Variants in RNF144B observed in about 807,000 individuals in gnomAD.
RNF144B encodes E3 ubiquitin-protein ligase RNF144B.
A neutral mutation model predicts 40.2 loss-of-function variants in RNF144B; 25 were observed. The ratio of observed to expected loss-of-function variants is 0.62; its 90% CI spans 0.45 to 0.87. The LOEUF is 0.87. Among genes scored for constraint, RNF144B ranks in the 40% least tolerant of loss-of-function variants. The probability of loss-of-function intolerance (pLI) is 0.00; values close to 1 mark genes in which losing one functional copy is unlikely to be tolerated. For synonymous variants in RNF144B, 145 were observed against 136.3 expected (o/e 1.06, Z -0.44); for missense variants, 365 against 373.7 (o/e 0.98, Z 0.19).
In RNF144B at chr6:18,457,368, G is replaced by A; in HGVS notation, c.536+9G>A. On this transcript the variant is annotated intron_variant, in intron 5 of 7. Transcript: ENST00000259939. The surrounding 1 kb of genome is among the most constrained non-coding windows in gnomAD (Gnocchi z 5.1). ...CTGCCAACAGAGCACCGGTAAGAAAGGAAACTTTGTCTTTGGGATTATTCA... is the reference window on the plus strand; with the variant it reads ...CTGCCAACAGAGCACCGGTAAGAAAAGAAACTTTGTCTTTGGGATTATTCA... The A allele has an allele frequency of 6.2e-7, 1 of 1,606,292 alleles. No homozygotes were observed. Among genetic ancestry groups the A allele is most frequent in the East Asian group, 2.2e-5 (1 of 44,852 alleles).
chr6:18,430,891 A>G (rs552386984), intron 3 of RNF144B, among the ~76,000 whole-genome samples: 1 of 152,172 alleles, frequency 6.6e-6, no homozygotes, highest in Non-Finnish European at 1.5e-5. Flanking sequence ...CAGTTTTACT[A>G]TAAAAGCATT....
Position 18,459,712 on chromosome 6 carries a change from C to T in RNF144B, c.642C>T (p.Cys214=). ...GCGCTCAGATGATGTGCAAAAACTG[C>T]AAGCATACATTTTGCTGGTACTGCC... The part of the protein sequence containing the change: ...EGCAQMMCKN[C]KHTFCWYCLQ... Residue 214 remains cysteine (C), a synonymous_variant, in exon 6 of 8, where the codon TGC becomes TGT. Transcript: ENST00000259939. This position sits in a 1 kb window ranked among gnomAD's most constrained non-coding sequence, Gnocchi z 4.2. 3 of 1,614,116 alleles carry T rather than the reference C, an allele frequency of 1.9e-6. No homozygotes were observed. The highest frequency in any genetic ancestry group is 2.5e-6 in the Non-Finnish European group (3 of 1,179,966).
At chr6:18,397,147 G>A (rs1245829872) in intron 1 of RNF144B, among the ~76,000 whole-genome samples, 1 of 152,130 alleles carries the variant, frequency 6.6e-6, no homozygotes, top group East Asian at 1.9e-4. Flanking sequence ...TTGACTTTCT[G>A]GTATGACATT....
rs914890956 is a variant in RNF144B, at chr6:18,398,735, T to G, written c.-36-764T>G. ...GGACACTTGGGTTGCCTCCACTGTT[T>G]GGCTATTGTGAATAATGTTGCTATG... On this transcript the variant is annotated intron_variant, in intron 1 of 7. Transcript: ENST00000259939. This position sits in a 1 kb window ranked among gnomAD's most constrained non-coding sequence, Gnocchi z 5.0. 3.3e-5 allele frequency among the ~76,000 whole-genome samples: 5 copies of G among 152,310 alleles called. No homozygotes were observed. Among genetic ancestry groups the G allele is most frequent in the East Asian group, 3.9e-4 (2 of 5,186 alleles).
chr6:18,439,896 T>A (rs531165571), intron 4 of RNF144B, 152 bp downstream of exon 4: 20 of 513,978 alleles, frequency 3.9e-5, no homozygotes, highest in Admixed American at 2.2e-4. Context: ...AACATAAAAT[T>A]TCAAGCCTCT....
chr6:18,439,761 T>A lies in RNF144B; in HGVS notation c.331+17T>A. On this transcript the variant is annotated intron_variant, in intron 4 of 7. Transcript: ENST00000259939. ...TTGAAAGAGGTATGAACTCTTCTTT[T>A]TTTCCTGATGATGAATGTGGTTTTA... 1.3e-6 allele frequency: 2 copies of A among 1,555,998 alleles called. No homozygotes were observed. Among genetic ancestry groups the A allele is most frequent in the Non-Finnish European group, 1.8e-6 (2 of 1,127,442 alleles).
chr6:18,388,312 G>A (rs1794509289), intron 1 of RNF144B, among the ~76,000 whole-genome samples: 1 of 152,076 alleles, frequency 6.6e-6, no homozygotes, highest in Admixed American at 6.6e-5. Flanking sequence ...TTCTTAACAG[G>A]ACTATCTCTG....
In RNF144B at chr6:18,458,075, T is replaced by C. The variant is rs1759371305; in HGVS notation, c.536+716T>C. On this transcript the variant is annotated intron_variant, in intron 5 of 7. Transcript: ENST00000259939. This position sits in a 1 kb window ranked among gnomAD's most constrained non-coding sequence, Gnocchi z 4.8. The stretch of plus-strand genomic sequence containing the variant: ...GCCTCAGCCTCCCGATTAGCTGGGA[T>C]TGCAGGCACTTGCCACCACGCCTGG... Among the ~76,000 whole-genome samples the C allele has an allele frequency of 6.6e-6, 1 of 152,048 alleles. No individual in the cohort carries two copies. Among genetic ancestry groups the C allele is most frequent in the Non-Finnish European group, 1.5e-5 (1 of 67,990 alleles).
intron 3 of RNF144B, among the ~76,000 whole-genome samples, chr6:18,429,968 C>G (rs960227622): frequency 6.6e-6 from 1 of 152,132 alleles, no homozygotes; most frequent in Non-Finnish European, 1.5e-5. Flanking sequence ...AAGTGAAATG[C>G]AAGAAGTGGG....
chr6:18,396,040 C>A (rs1794687884), intron 1 of RNF144B, among the ~76,000 whole-genome samples: 1 of 152,062 alleles, frequency 6.6e-6, no homozygotes, highest in South Asian at 2.1e-4. Flanking sequence ...TTTTAAAAAA[C>A]AAAATGCATC....
At chr6:18,399,750 A>G (rs368128310) in intron 2 of RNF144B, 51 bp downstream of exon 2, 24 of 1,444,770 alleles carry the variant, frequency 1.7e-5, no homozygotes, top group Non-Finnish European at 2.2e-5. Context: ...GGGAAAAATC[A>G]TAAAAGTAGG....
rs1314762274 is a variant in RNF144B, at chr6:18,459,608, G to T, written c.538G>T (p.Ala180Ser). 1.9e-6 allele frequency: 3 copies of T among 1,612,738 alleles called. No homozygotes were observed. In the South Asian group the frequency reaches 3.3e-5, roughly 18 times the overall value. ...ATTTCTCATCCATTTTGTTTCTAGA[G>T]CCCTCTTTGGGACAGATGCAGAAGC... ...QPIVLPTEHR[A>S]LFGTDAEAPI... The change falls in exon 6 of 8, where the codon GCC (alanine) becomes TCC (serine). Residue 180 changes from alanine to serine, a missense_variant and splice_region_variant. Ala to Ser is a moderately conservative substitution (Grantham distance 99). Coordinates refer to ENST00000259939, the MANE Select transcript of RNF144B (RefSeq NM_182757.4). This position sits in a 1 kb window ranked among gnomAD's most constrained non-coding sequence, Gnocchi z 4.2.
chr6:18,431,916 A>G (rs1012863306), intron 3 of RNF144B, among the ~76,000 whole-genome samples: 1 of 152,228 alleles, frequency 6.6e-6, no homozygotes, highest in Non-Finnish European at 1.5e-5. Flanking sequence ...ATCTATGAAG[A>G]GTAGCCTCCT....
intron 1 of RNF144B, chr6:18,396,709 C>T (rs1794700898): frequency 2.0e-6 from 2 of 985,206 alleles, no homozygotes; most frequent in Non-Finnish European, 2.4e-6. Flanking sequence ...TGAGAATGTA[C>T]AGGTGAGAAG....
At chr6:18,397,103 C>T (rs961968869) in intron 1 of RNF144B, among the ~76,000 whole-genome samples, 2 of 152,144 alleles carry the variant, frequency 1.3e-5, no homozygotes, top group Non-Finnish European at 2.9e-5. Context: ...GGTGAAAAAC[C>T]TTGAATGCTT....
chr6:18,415,802 TG>T lies in RNF144B; in HGVS notation c.166-11777del, dbSNP rs147719272. ...AGGTGACTAGCATAGCCGTACCTCA[TG>T]GTTGAAGGGGTTTCTTGAACCTTTA... On this transcript the variant is annotated intron_variant, in intron 2 of 7. Coordinates refer to ENST00000259939, the MANE Select transcript of RNF144B (RefSeq NM_182757.4). 5.8e-3 allele frequency among the ~76,000 whole-genome samples: 889 copies of T among 152,180 alleles called. 3 individuals carry two copies. Among genetic ancestry groups the T allele is most frequent in the African/African-American group, 0.02 (834 of 41,512 alleles).
chr6:18,440,859 C>T (rs1370416697), intron 4 of RNF144B, among the ~76,000 whole-genome samples: 1 of 145,478 alleles, frequency 6.9e-6, no homozygotes, highest in Non-Finnish European at 1.5e-5. Context: ...GATTACTTAA[C>T]TCATAAGGCT....
Position 18,446,861 on chromosome 6 carries a change from G to GTGTGTGTGTGTGTC in RNF144B, c.331+7129_331+7142dup, listed in dbSNP as rs886378084. ...TTAGGGTGTGTGTGTGTGTGTGTGT[G>GTGTGTGTGTGTGTC]TGTGTGTGTGTGTCTGTGTGTGTGT... On this transcript the variant is annotated intron_variant, in intron 4 of 7. Transcript: ENST00000259939. This position sits in a 1 kb window ranked among gnomAD's most constrained non-coding sequence, Gnocchi z 4.7. 6.6e-6 allele frequency among the ~76,000 whole-genome samples: 1 copy of GTGTGTGTGTGTGTC among 151,608 alleles called. No individual in the cohort carries two copies. The highest frequency in any genetic ancestry group is 2.4e-5 in the African/African-American group (1 of 41,238).
chr6:18,465,643 G>T lies in RNF144B; in HGVS notation c.*576G>T, dbSNP rs772476951. 6 of 152,494 alleles carry T rather than the reference G, an allele frequency of 3.9e-5. No homozygotes were observed. Among genetic ancestry groups the T allele is most frequent in the African/African-American group, 9.6e-5 (4 of 41,452 alleles). The allele number at this position is 152,494 out of a possible 1,614,324, so 9.4% of individuals were successfully genotyped here. On this transcript the variant is annotated 3_prime_UTR_variant, in exon 8 of 8. Coordinates refer to ENST00000259939, the MANE Select transcript of RNF144B (RefSeq NM_182757.4). ...TGTCCCCATGTTCCCGCTGTGATTT[G>T]GCAGAAACACAATAGGCTTCTCCTT...
Sources: gnomAD v4.1 joint callset for allele counts (sites outside exome capture counted in the v4.1 genomes callset) on GRCh38, gnomAD v4.1.1 for gene constraint, Gnocchi (gnomAD v3.1) non-coding constraint, MANE v1.5 for transcripts, NCBI Gene and HGNC (gene_info 2026-07-23, HGNC 2026-07-21) for gene names.